GPC5: variants seen among roughly 807,000 people sequenced by gnomAD.
GPC5 encodes the protein glypican-5.
A neutral mutation model predicts 53.9 loss-of-function variants in GPC5; 47 were observed. The observed-to-expected ratio is 0.87, with a 90% confidence interval of 0.69 to 1.11. GPC5 has a LOEUF of 1.11. GPC5 is among the 50% of genes most tolerant of loss of function. The pLI is 0.00. For missense variants in GPC5, 748 were observed against 713.1 expected (o/e 1.05, Z -0.56); for synonymous variants, 286 against 263.3 (o/e 1.09, Z -0.84).
intron 7 of GPC5, among the ~76,000 whole-genome samples, chr13:92,864,754 T>C (rs1879287937): frequency 6.6e-6 from 1 of 152,084 alleles, no homozygotes; most frequent in East Asian, 1.9e-4. Flanking sequence ...AAACAATGAA[T>C]AATAATGTAA....
At chr13:92,011,778 G>T (rs2040663779) in intron 6 of GPC5, among the ~76,000 whole-genome samples, 1 of 152,134 alleles carries the variant, frequency 6.6e-6, no homozygotes, top group Admixed American at 6.5e-5. Context: ...GTAATAAAAT[G>T]CTTATCAGTA....
chr13:91,879,789 G>A (rs2039244569), intron 5 of GPC5, among the ~76,000 whole-genome samples: 1 of 152,116 alleles, frequency 6.6e-6, no homozygotes, highest in African/African-American at 2.4e-5. Flanking sequence ...TTGTTGTGTT[G>A]AATTATATTA....
At chr13:91,813,841 T>C (rs117110737) in intron 5 of GPC5, among the ~76,000 whole-genome samples, 441 of 151,650 alleles carry the variant, frequency 2.9e-3, no homozygotes, top group Non-Finnish European at 3.1e-3. Flanking sequence ...AAATACCTTC[T>C]CTCACAAAAG....
intron 2 of GPC5, among the ~76,000 whole-genome samples, chr13:91,610,101 T>G (rs1355131665): frequency 1.3e-5 from 2 of 152,226 alleles, no homozygotes; most frequent in Non-Finnish European, 2.9e-5. Context: ...AGATTTACTT[T>G]TGGTATACTC....
At chr13:92,192,510 C>CT (rs1439095721) in intron 7 of GPC5, among the ~76,000 whole-genome samples, 6 of 151,952 alleles carry the variant, frequency 3.9e-5, no homozygotes, top group Admixed American at 3.9e-4. Context: ...ATGATCATTC[C>CT]TTTTTTCACA....
At chr13:92,680,736 T>C (rs1156750664) in intron 7 of GPC5, among the ~76,000 whole-genome samples, 1 of 152,160 alleles carries the variant, frequency 6.6e-6, no homozygotes, top group Non-Finnish European at 1.5e-5. Context: ...CTTCAGGAAG[T>C]AACTATTAGA....
intron 7 of GPC5, among the ~76,000 whole-genome samples, chr13:92,834,552 C>A (rs1215195195): frequency 6.6e-6 from 1 of 152,060 alleles, no homozygotes; most frequent in Non-Finnish European, 1.5e-5. Flanking sequence ...TCAATAAATG[C>A]TTCAAAAAAT....
chr13:91,700,981 C>T (rs1419979199), intron 3 of GPC5, among the ~76,000 whole-genome samples: 1 of 152,118 alleles, frequency 6.6e-6, no homozygotes, highest in African/African-American at 2.4e-5. Context: ...CTTTCAGCTG[C>T]TTTGACAATC....
intron 7 of GPC5, among the ~76,000 whole-genome samples, chr13:92,529,510 A>G (rs1196159122): frequency 1.3e-5 from 2 of 152,218 alleles, no homozygotes; most frequent in Non-Finnish European, 2.9e-5. Flanking sequence ...GACATAAGCT[A>G]CAAAAATACC....
intron 7 of GPC5, among the ~76,000 whole-genome samples, chr13:92,387,920 C>T (rs1019244909): frequency 6.6e-6 from 1 of 152,072 alleles, no homozygotes; most frequent in African/African-American, 2.4e-5. Flanking sequence ...TGATGTAAGG[C>T]ATTATTACTA....
rs139235706 is a variant in GPC5, at chr13:92,801,517, T to C, written c.1562-64765T>C. Among the ~76,000 whole-genome samples the C allele has an allele frequency of 6.8e-3, 1,032 of 151,974 alleles. 12 individuals carry two copies. Among genetic ancestry groups the C allele is most frequent in the African/African-American group, 0.024 (987 of 41,504 alleles). On this transcript the variant is annotated intron_variant, in intron 7 of 7. Transcript: ENST00000377067. ...ACTGATTTGAGTGCTTAATACACTA[T>C]ACTTTTTATTGTTATTTTAGAGTGT...
At chr13:92,329,723 A>G (rs919812734) in intron 7 of GPC5, among the ~76,000 whole-genome samples, 3 of 152,144 alleles carry the variant, frequency 2.0e-5, no homozygotes, top group Admixed American at 2.0e-4. Flanking sequence ...TATTTAAATA[A>G]AAACATGGAG....
At chr13:92,285,112 C>A (rs1396583799) in intron 7 of GPC5, among the ~76,000 whole-genome samples, 3 of 151,856 alleles carry the variant, frequency 2.0e-5, no homozygotes, top group Non-Finnish European at 4.4e-5. Flanking sequence ...ACAAACAGAG[C>A]CAAATCATGA....
At chr13:92,570,418 T>C (rs891565170) in intron 7 of GPC5, among the ~76,000 whole-genome samples, 3 of 152,154 alleles carry the variant, frequency 2.0e-5, no homozygotes, top group Non-Finnish European at 2.9e-5. Flanking sequence ...TTCAGTTTAC[T>C]GAGAGGATTG....
chr13:91,414,727 T>C (rs1272103594), intron 1 of GPC5, among the ~76,000 whole-genome samples: 1 of 152,208 alleles, frequency 6.6e-6, no homozygotes, highest in Non-Finnish European at 1.5e-5. Flanking sequence ...ATATGACTGC[T>C]ATAACGCTTC....
At chr13:91,930,090 C>A (rs1041322762) in intron 6 of GPC5, among the ~76,000 whole-genome samples, 28 of 152,006 alleles carry the variant, frequency 1.8e-4, no homozygotes, top group Admixed American at 1.8e-3. Flanking sequence ...AAATGTAGAT[C>A]CCTTTGTTCA....
intron 2 of GPC5, among the ~76,000 whole-genome samples, chr13:91,497,118 A>G (rs958753879): frequency 1.3e-5 from 2 of 152,054 alleles, no homozygotes; most frequent in East Asian, 3.9e-4. Context: ...CTTTTATGGA[A>G]CAATGCTTGT....
chr13:91,718,405 T>C (rs1235401716), intron 3 of GPC5, among the ~76,000 whole-genome samples: 1 of 151,852 alleles, frequency 6.6e-6, no homozygotes, highest in Non-Finnish European at 1.5e-5. Flanking sequence ...CCACTGAGCC[T>C]GGCCACTTTC....
intron 7 of GPC5, among the ~76,000 whole-genome samples, chr13:92,217,268 A>G (rs1594006796): frequency 6.6e-6 from 1 of 152,336 alleles, no homozygotes; most frequent in Non-Finnish European, 1.5e-5. Context: ...TTCTTTGCTT[A>G]ACAAAATTTC....
Sources: gnomAD v4.1 joint callset for allele counts (sites outside exome capture counted in the v4.1 genomes callset) on GRCh38, gnomAD v4.1.1 for gene constraint, MANE v1.5 for transcripts, NCBI Gene and HGNC (gene_info 2026-07-23, HGNC 2026-07-21) for gene names.